PPP1R21: variants seen among roughly 807,000 people sequenced by gnomAD.
PPP1R21 encodes the protein KLRAQ motif containing 1.
PPP1R21 carries 85 observed loss-of-function variants against 112.8 expected under a neutral mutation model. That is an observed-to-expected ratio of 0.75 (90% CI 0.63 to 0.90). The LOEUF (loss-of-function observed/expected upper bound fraction) is 0.90. Ranked by LOEUF, PPP1R21 falls within the 40% of genes least tolerant of loss-of-function variation. The pLI, the probability that PPP1R21 is intolerant of heterozygous loss-of-function variation, is 0.00. For synonymous variants in PPP1R21, 381 were observed against 322.3 expected, an observed-to-expected ratio of 1.18 and a Z score of -1.95; for missense variants, 1,199 against 901.5, an observed-to-expected ratio of 1.33 and a Z score of -4.23.
intron 14 of PPP1R21, among the ~76,000 whole-genome samples, chr2:48,487,457 A>T (rs546278066): frequency 6.6e-6 from 1 of 152,140 alleles, no homozygotes; most frequent in African/African-American, 2.4e-5. Flanking sequence ...ACTAAAGTGC[A>T]GTTTCTTTAA....
chr2:48,493,285 G>T (rs1669655908), intron 15 of PPP1R21, among the ~76,000 whole-genome samples: 2 of 152,106 alleles, frequency 1.3e-5, no homozygotes, highest in African/African-American at 4.8e-5. Context: ...GATTACAGGC[G>T]TGAGCCACTG....
chr2:48,448,914 C>T (rs777344672), intron 1 of PPP1R21, among the ~76,000 whole-genome samples: 17 of 152,040 alleles, frequency 1.1e-4, no homozygotes, highest in African/African-American at 1.9e-4. Flanking sequence ...ATAGACAGTA[C>T]GTAAATGAAT....
In PPP1R21 at chr2:48,479,952, A is replaced by G; in HGVS notation, c.1254A>G (p.Thr418=). The G allele has an allele frequency of 6.8e-6, 11 of 1,613,020 alleles. No homozygotes were observed. Among genetic ancestry groups the G allele is most frequent in the Non-Finnish European group, 9.3e-6 (11 of 1,178,970 alleles). ...PSTEPDGLLR[T]NYSSVLTNVG... is the part of the protein sequence containing the mutation. ...CAGAGCCAGATGGACTCCTTCGGACAAACTACAGTTCTGTGTTAACAAATG... is the reference window on the plus strand; with the variant it reads ...CAGAGCCAGATGGACTCCTTCGGACGAACTACAGTTCTGTGTTAACAAATG... Residue 418 remains threonine, a synonymous_variant, in exon 13 of 22, where the codon ACA becomes ACG. Transcript: ENST00000294952.
At chr2:48,453,265 T>C (rs1231189620) in intron 2 of PPP1R21, among the ~76,000 whole-genome samples, 1 of 152,208 alleles carries the variant, frequency 6.6e-6, no homozygotes, top group Non-Finnish European at 1.5e-5. Context: ...AGGTTGCTGT[T>C]TCAATACAGT....
chr2:48,493,692 T>C (rs557982388), intron 15 of PPP1R21, among the ~76,000 whole-genome samples: 2 of 152,346 alleles, frequency 1.3e-5, no homozygotes, highest in East Asian at 1.9e-4. Context: ...TTATTTTTTT[T>C]CAATAATTAG....
Position 48,449,574 on chromosome 2 carries a change from A to G in PPP1R21, c.58-1434A>G, listed in dbSNP as rs565091873. On this transcript the variant is annotated intron_variant, in intron 1 of 21. Transcript: ENST00000294952. The stretch of plus-strand genomic sequence containing the variant: ...GTTGAATATCCTGCAGTATTCCTGC[A>G]TTTTATCTCAGAATCTTAGCTAAAT... 4.1e-4 allele frequency among the ~76,000 whole-genome samples: 62 copies of G among 152,294 alleles called. 1 individual carries two copies. The highest frequency in any genetic ancestry group is 3.4e-3 in the Middle Eastern group (1 of 294).
At chr2:48,462,501 G>T (rs1015200893) in intron 7 of PPP1R21, among the ~76,000 whole-genome samples, 6 of 152,176 alleles carry the variant, frequency 3.9e-5, no homozygotes, top group Admixed American at 2.0e-4. Flanking sequence ...ATGTGAGCAG[G>T]TTTTATTGGG....
intron 4 of PPP1R21, 73 bp downstream of exon 4, chr2:48,458,300 C>A: frequency 1.1e-6 from 1 of 943,798 alleles, no homozygotes; most frequent in Non-Finnish European, 1.7e-6. Flanking sequence ...AGCTAATGCA[C>A]ATAGAGTGTT....
intron 11 of PPP1R21, among the ~76,000 whole-genome samples, chr2:48,471,867 A>C (rs76669685): frequency 0.091 from 13,837 of 152,188 alleles, 720 homozygotes; most frequent in Non-Finnish European, 0.12. Flanking sequence ...ATTGCTTGTA[A>C]GTTTTGATAC....
At chr2:48,503,942 G>C (rs1332476089) in intron 17 of PPP1R21, among the ~76,000 whole-genome samples, 2 of 119,572 alleles carry the variant, frequency 1.7e-5, no homozygotes, top group Non-Finnish European at 3.3e-5. Context: ...AAAAGGGCGA[G>C]ACTATGTCTC....
At chr2:48,469,535 T>TATAGAGAGAGAGAG (rs1553339307) in intron 9 of PPP1R21, among the ~76,000 whole-genome samples, 3 of 73,232 alleles carry the variant, frequency 4.1e-5, no homozygotes, top group South Asian at 4.7e-4. Flanking sequence ...TATATATATA[T>TATAGAGAGAGAGAG]AGAGCATATA....
intron 21 of PPP1R21, among the ~76,000 whole-genome samples, chr2:48,512,937 AG>A (rs1390978316): frequency 6.6e-6 from 1 of 152,242 alleles, no homozygotes; most frequent in East Asian, 1.9e-4. Flanking sequence ...TAGTAGTGGT[AG>A]AAAATACACA....
intron 15 of PPP1R21, among the ~76,000 whole-genome samples, chr2:48,494,646 C>A (rs1199275544): frequency 6.6e-6 from 1 of 151,972 alleles, no homozygotes; most frequent in African/African-American, 2.4e-5. Flanking sequence ...GAACTCCTGA[C>A]CTTAGGAAGT....
chr2:48,458,644 C>A (rs1432049774), intron 4 of PPP1R21, among the ~76,000 whole-genome samples: 1 of 149,020 alleles, frequency 6.7e-6, no homozygotes, highest in Non-Finnish European at 1.5e-5. Flanking sequence ...GGTTCTTATC[C>A]CTACCCCTGT....
intron 14 of PPP1R21, among the ~76,000 whole-genome samples, chr2:48,488,545 T>C (rs1385173981): frequency 2.0e-5 from 3 of 152,146 alleles, no homozygotes; most frequent in South Asian, 2.1e-4. Flanking sequence ...TTTGTTTTTG[T>C]ATTTTTAGTA....
At position 48,440,768 on chromosome 2, in the gene PPP1R21, T is replaced by G. The variant is rs1666970487; in HGVS notation, c.-186T>G. The G allele has an allele frequency of 3.3e-6, 2 of 601,642 alleles. No homozygotes were observed. Among genetic ancestry groups the G allele is most frequent in the South Asian group, 2.0e-5 (1 of 49,836 alleles). The allele number at this position is 601,642 out of a possible 1,614,324, so 37.3% of individuals were successfully genotyped here. A position where few individuals can be genotyped will look rare whatever the true frequency, so the allele number is the denominator to read the frequency against. The stretch of plus-strand genomic sequence containing the variant: ...GTGGTCGCTCCGCCCCCGGCCCCAC[T>G]CCACCTTCCTCCCACCCCGGGAACC... On this transcript the variant is annotated 5_prime_UTR_variant, in exon 1 of 22. Coordinates refer to ENST00000294952, the MANE Select transcript of PPP1R21 (RefSeq NM_001135629.3).
chr2:48,450,829 A>G (rs1220298884), intron 1 of PPP1R21, among the ~76,000 whole-genome samples, 179 bp from the exon 2 acceptor site: 2 of 151,878 alleles, frequency 1.3e-5, no homozygotes, highest in Non-Finnish European at 2.9e-5. Context: ...CCTTATCTGT[A>G]AAATGGTGAA....
intron 13 of PPP1R21, 109 bp from the exon 14 acceptor site, chr2:48,486,522 A>G (rs1669305069): frequency 1.2e-6 from 1 of 842,520 alleles, no homozygotes; most frequent in Non-Finnish European, 1.9e-6. Context: ...TTCTTTGTCA[A>G]ATTTACTTTA....
At chr2:48,501,063 A>G (rs1360506565) in intron 17 of PPP1R21, among the ~76,000 whole-genome samples, 1 of 152,216 alleles carries the variant, frequency 6.6e-6, no homozygotes, top group African/African-American at 2.4e-5. Flanking sequence ...TTCCAGTCAC[A>G]AGTCCTGCAT....
Sources: gnomAD v4.1 joint callset for allele counts (sites outside exome capture counted in the v4.1 genomes callset) on GRCh38, gnomAD v4.1.1 for gene constraint, MANE v1.5 for transcripts, NCBI Gene and HGNC (gene_info 2026-07-23, HGNC 2026-07-21) for gene names.